MAP2K6: variants seen among roughly 807,000 people sequenced by gnomAD.
The protein encoded by MAP2K6 is dual specificity mitogen-activated protein kinase kinase 6.
MAP2K6 carries 16 observed loss-of-function variants against 53.7 expected under a neutral mutation model. The observed-to-expected ratio is 0.30, with a 90% confidence interval of 0.20 to 0.45. MAP2K6 has a LOEUF of 0.45. Among genes scored for constraint, MAP2K6 ranks in the 20% least tolerant of loss-of-function variants. The pLI is 1.00. For missense variants in MAP2K6, 204 were observed against 411.9 expected (o/e 0.50, Z 4.37); for synonymous variants, 132 against 143.1 (o/e 0.92, Z 0.55).
intron 10 of MAP2K6, among the ~76,000 whole-genome samples, chr17:69,528,361 C>G (rs886293376): frequency 6.6e-6 from 1 of 152,084 alleles, no homozygotes; most frequent in African/African-American, 2.4e-5. Context: ...TTGTTGGATG[C>G]CTCTTAAAAG....
chr17:69,473,251 T>G (rs1908039002), intron 1 of MAP2K6, among the ~76,000 whole-genome samples: 1 of 152,154 alleles, frequency 6.6e-6, no homozygotes, highest in Non-Finnish European at 1.5e-5. Flanking sequence ...GTATTTTGAG[T>G]GGAATAATTT....
intron 8 of MAP2K6, 60 bp downstream of exon 8, chr17:69,523,701 A>G: frequency 6.3e-7 from 1 of 1,594,518 alleles, no homozygotes; most frequent in Non-Finnish European, 8.6e-7. Flanking sequence ...CATGCTGGGA[A>G]ACAAGAAATG....
chr17:69,493,181 A>G (rs1459475633), intron 1 of MAP2K6, among the ~76,000 whole-genome samples: 1 of 152,216 alleles, frequency 6.6e-6, no homozygotes, highest in East Asian at 1.9e-4. Context: ...GTGATATTGG[A>G]AGAACTATCT....
At chr17:69,462,648 G>T (rs1189523025) in intron 1 of MAP2K6, among the ~76,000 whole-genome samples, 1 of 152,046 alleles carries the variant, frequency 6.6e-6, no homozygotes, top group Non-Finnish European at 1.5e-5. Flanking sequence ...CCTCATTTCT[G>T]GGCCTCTCCT....
At chr17:69,455,764 G>A (rs2586546) in intron 1 of MAP2K6, among the ~76,000 whole-genome samples, 105,667 of 151,308 alleles carry the variant, frequency 0.7, 37,091 homozygotes, top group Non-Finnish European at 0.72. Flanking sequence ...ATTTTTTGGA[G>A]CTTAAGTTCT....
At chr17:69,507,240 A>G (rs1909548959) in intron 2 of MAP2K6, among the ~76,000 whole-genome samples, 1 of 152,186 alleles carries the variant, frequency 6.6e-6, no homozygotes. Context: ...CCAAGTTAAC[A>G]TCTTACACAA....
intron 1 of MAP2K6, among the ~76,000 whole-genome samples, chr17:69,503,018 G>T (rs1467855536): frequency 6.6e-6 from 1 of 152,182 alleles, no homozygotes; most frequent in African/African-American, 2.4e-5. Context: ...GTAAAGAAGA[G>T]AAAGATGTAG....
In MAP2K6 at chr17:69,525,544, T is replaced by C. The variant is rs568188194; in HGVS notation, c.741+566T>C. ...GAGGTTTAATGGACTCACAGTTCCA[T>C]GCAGCTGGGGAGGCCTCACGATCAT... is the stretch of plus-strand genomic sequence containing the variant. On this transcript the variant is annotated intron_variant, in intron 9 of 11. Transcript: ENST00000590474. 1.6e-4 allele frequency among the ~76,000 whole-genome samples: 24 copies of C among 152,300 alleles called. No homozygotes were observed. The East Asian group carries it at 4.4e-3, about 28-fold the overall frequency.
intron 1 of MAP2K6, among the ~76,000 whole-genome samples, chr17:69,436,295 G>A (rs1219384221): frequency 1.3e-5 from 2 of 152,060 alleles, no homozygotes; most frequent in Non-Finnish European, 2.9e-5. Flanking sequence ...TATGCTAATA[G>A]GTAGGGTTAA....
intron 1 of MAP2K6, among the ~76,000 whole-genome samples, chr17:69,456,097 T>C (rs1289799184): frequency 6.6e-6 from 1 of 152,000 alleles, no homozygotes; most frequent in Non-Finnish European, 1.5e-5. Context: ...CTGACCTCAG[T>C]AGATCCGCCC....
At chr17:69,495,929 G>C (rs66613474) in intron 1 of MAP2K6, among the ~76,000 whole-genome samples, 24,207 of 151,928 alleles carry the variant, frequency 0.16, 2,090 homozygotes, top group Middle Eastern at 0.22. Flanking sequence ...GAGATGAACC[G>C]AGACAGTAGG....
chr17:69,538,320 T>G (rs902641381), intron 11 of MAP2K6, among the ~76,000 whole-genome samples: 6 of 152,276 alleles, frequency 3.9e-5, no homozygotes, highest in African/African-American at 1.4e-4. Flanking sequence ...GGGCAGCTGA[T>G]GTCAAATTCT....
chr17:69,487,878 A>C (rs117656575), intron 1 of MAP2K6, among the ~76,000 whole-genome samples: 3,989 of 152,328 alleles, frequency 0.026, 71 homozygotes, highest in Non-Finnish European at 0.041. Flanking sequence ...AAAAACCTAC[A>C]ACTTAAAGAA....
At chr17:69,529,344 T>C (rs2715829) in intron 10 of MAP2K6, among the ~76,000 whole-genome samples, 100,245 of 151,914 alleles carry the variant, frequency 0.66, 33,925 homozygotes, top group African/African-American at 0.81. Context: ...GTTTAGAAGG[T>C]TTATTTTCTT....
chr17:69,438,646 G>T (rs979835187), intron 1 of MAP2K6, among the ~76,000 whole-genome samples: 2 of 152,062 alleles, frequency 1.3e-5, no homozygotes, highest in African/African-American at 2.4e-5. Context: ...TAATGCAGTG[G>T]CACCATCTTG....
chr17:69,464,356 ATTTTTAT>A (rs947221939), intron 1 of MAP2K6, among the ~76,000 whole-genome samples: 1 of 151,910 alleles, frequency 6.6e-6, no homozygotes, highest in Non-Finnish European at 1.5e-5. Context: ...CTCACTACTT[ATTTTTAT>A]TTTTTATTTT....
At chr17:69,454,662 A>C (rs1318469921) in intron 1 of MAP2K6, among the ~76,000 whole-genome samples, 2 of 151,952 alleles carry the variant, frequency 1.3e-5, no homozygotes, top group Non-Finnish European at 2.9e-5. Context: ...AACTGCTGGG[A>C]TTACAGGTGT....
intron 10 of MAP2K6, among the ~76,000 whole-genome samples, chr17:69,528,887 A>AGG (rs1555610738): frequency 7.5e-6 from 1 of 132,800 alleles, no homozygotes; most frequent in Non-Finnish European, 1.6e-5. Context: ...AAAAAAAAAA[A>AGG]AGATGAGGCA....
chr17:69,454,720 A>G (rs1056570596), intron 1 of MAP2K6, among the ~76,000 whole-genome samples: 4 of 152,152 alleles, frequency 2.6e-5, no homozygotes, highest in Non-Finnish European at 4.4e-5. Context: ...GAGATAACCT[A>G]TTTGACTAAG....
Sources: gnomAD v4.1 joint callset for allele counts (sites outside exome capture counted in the v4.1 genomes callset) on GRCh38, gnomAD v4.1.1 for gene constraint, MANE v1.5 for transcripts, NCBI Gene and HGNC (gene_info 2026-07-23, HGNC 2026-07-21) for gene names.